ANK3: variants seen among roughly 807,000 people sequenced by gnomAD.
ANK3 encodes ankyrin-3.
Under a neutral mutation model 370.9 loss-of-function variants are expected in ANK3, and 57 were observed. That is an observed-to-expected ratio of 0.15 (90% CI 0.12 to 0.19). The LOEUF (loss-of-function observed/expected upper bound fraction) is 0.19. Among genes scored for constraint, ANK3 ranks in the 10% least tolerant of loss-of-function variants. The pLI, the probability that ANK3 is intolerant of heterozygous loss-of-function variation, is 1.00. For missense variants in ANK3, 4,439 were observed against 5,302.1 expected, an observed-to-expected ratio of 0.84 and a Z score of 5.06; for synonymous variants, 1,929 against 1,946.3, an observed-to-expected ratio of 0.99 and a Z score of 0.23.
chr10:60,083,427 T>C, intron 33 of ANK3, 65 bp downstream of exon 33: 1 of 1,508,358 alleles, frequency 6.6e-7, no homozygotes, highest in Non-Finnish European at 9.0e-7. Context: ...TAAAACCTTT[T>C]ATTTTTATTC....
At chr10:60,353,158 GTT>G (rs1198062363) in intron 1 of ANK3, among the ~76,000 whole-genome samples, 13 of 126,048 alleles carry the variant, frequency 1.0e-4, no homozygotes, top group Admixed American at 2.4e-4. Flanking sequence ...TTTTTGTTTT[GTT>G]TTTTTTTTTT....
intron 2 of ANK3, among the ~76,000 whole-genome samples, chr10:60,600,181 T>C (rs895887316): frequency 6.6e-6 from 1 of 152,190 alleles, no homozygotes; most frequent in Admixed American, 6.6e-5. Context: ...TGCTAGGAGA[T>C]AGTGAAGAAT....
chr10:60,104,067 G>A, intron 28 of ANK3, among the ~76,000 whole-genome samples: 1 of 152,038 alleles, frequency 6.6e-6, no homozygotes, highest in South Asian at 2.1e-4. Flanking sequence ...ACAGACACTG[G>A]GGCCTACTTG....
chr10:60,073,069 A>T lies in ANK3; in HGVS notation c.7812T>A (p.Asp2604Glu). The part of the protein sequence containing the change: ...FFRDKTEKLN[D>E]ELQSPEKKAR... Reference sequence around the variant, plus strand: ...CCTTTTTCTCTGGGGACTGCAGTTCATCATTTAGCTTTTCAGTTTTGTCAC... The same window carrying T: ...CCTTTTTCTCTGGGGACTGCAGTTCTTCATTTAGCTTTTCAGTTTTGTCAC... Residue 2604 changes from aspartate (D) to glutamate (E), a missense_variant, in exon 37 of 44, where the codon GAT (aspartate) becomes GAA (glutamate). Asp to Glu is a conservative substitution (Grantham distance 45). Transcript: ENST00000280772. 6.2e-7 allele frequency: 1 copy of T among 1,614,124 alleles called. No individual in the cohort carries two copies. The highest frequency in any genetic ancestry group is 8.5e-7 in the Non-Finnish European group (1 of 1,180,014).
intron 40 of ANK3, chr10:60,059,984 T>C (rs143038476): frequency 7.4e-5 from 118 of 1,596,870 alleles, no homozygotes; most frequent in Non-Finnish European, 9.5e-5. Flanking sequence ...GGGTTTCCAG[T>C]TCCACTTGAA....
In ANK3 at chr10:60,521,075, A is replaced by G. The variant is rs962716465; in HGVS notation, c.96+94111T>C. ...TAGTTAGAGTTGTCAAGTGTTATCT[A>G]TTTTGTCACAACATAAATAAATCAT... is the stretch of plus-strand genomic sequence containing the variant. On this transcript the variant is annotated intron_variant, in intron 2 of 43. Coordinates refer to the ANK3 transcript ENST00000373827. Among the ~76,000 whole-genome samples, 4 of 152,130 alleles carry G rather than the reference A, an allele frequency of 2.6e-5. No individual in the cohort carries two copies. The South Asian group carries it at 6.2e-4, about 24-fold the overall frequency.
At chr10:60,322,268 T>C (rs771663178) in intron 1 of ANK3, among the ~76,000 whole-genome samples, 1 of 152,180 alleles carries the variant, frequency 6.6e-6, no homozygotes, top group Non-Finnish European at 1.5e-5. Context: ...CTTTAGTACT[T>C]CTGAAAAAGT....
At position 60,193,609 on chromosome 10, in the gene ANK3, C is replaced by T. The variant is rs930543724; in HGVS notation, c.1887+2536G>A. ...GGCGGAGGTTGCAGTGAGCCAAGAT[C>T]GTGCCACTACACTCCAGTCTGGGTG... On this transcript the variant is annotated intron_variant, in intron 16 of 43. Coordinates refer to ENST00000280772, the MANE Select transcript of ANK3 (RefSeq NM_020987.5). Among the ~76,000 whole-genome samples the T allele has an allele frequency of 3.3e-5, 5 of 149,772 alleles. No individual in the cohort carries two copies. In the South Asian group the frequency reaches 6.4e-4, roughly 19 times the overall value.
intron 2 of ANK3, among the ~76,000 whole-genome samples, chr10:60,483,209 G>A (rs894458768): frequency 2.6e-5 from 4 of 152,074 alleles, no homozygotes; most frequent in Admixed American, 6.6e-5. Context: ...TGAGTCCAAG[G>A]CCCAGGCATT....
chr10:60,692,600 C>G (rs1385960042), intron 1 of ANK3, among the ~76,000 whole-genome samples: 7 of 152,126 alleles, frequency 4.6e-5, no homozygotes, highest in African/African-American at 1.7e-4. Context: ...CTGAATTTTT[C>G]TAGGGTGCGT....
chr10:60,548,352 C>G (rs1170105467), intron 2 of ANK3, among the ~76,000 whole-genome samples: 2 of 151,786 alleles, frequency 1.3e-5, no homozygotes, highest in African/African-American at 2.4e-5. Flanking sequence ...GCTGGGATCA[C>G]AGGCACCCAC....
Position 60,580,110 on chromosome 10 carries a change from AC to A in ANK3, c.96+35075del, listed in dbSNP as rs1243731964. On this transcript the variant is annotated intron_variant, in intron 2 of 43. Coordinates refer to the ANK3 transcript ENST00000373827. Reference sequence around the variant, plus strand: ...AATTTGCATTTCTTTGGCTGGTAGAACACTCTTCATATTTCTTCACATTCTT... The same window carrying A: ...AATTTGCATTTCTTTGGCTGGTAGAAACTCTTCATATTTCTTCACATTCTT... Among the ~76,000 whole-genome samples the A allele has an allele frequency of 2.1e-4, 32 of 152,334 alleles. No individual in the cohort carries two copies. In the Middle Eastern group the frequency reaches 0.014, roughly 65 times the overall value.
intron 1 of ANK3, among the ~76,000 whole-genome samples, chr10:60,312,424 T>A (rs1218962441): frequency 6.6e-6 from 1 of 152,220 alleles, no homozygotes; most frequent in East Asian, 1.9e-4. Flanking sequence ...ATTGATGTGT[T>A]TACTGATGAT....
chr10:60,175,798 A>C (rs938740544), intron 18 of ANK3, among the ~76,000 whole-genome samples: 2 of 152,184 alleles, frequency 1.3e-5, no homozygotes, highest in African/African-American at 4.8e-5. Context: ...GCTACTTACT[A>C]TCTGTGTGAA....
intron 2 of ANK3, among the ~76,000 whole-genome samples, chr10:60,515,328 C>A (rs2076192191): frequency 6.6e-6 from 1 of 152,082 alleles, no homozygotes; most frequent in Non-Finnish European, 1.5e-5. Context: ...CTAGCCCCTG[C>A]ACATTCAGCA....
chr10:60,507,012 C>T (rs2075958114), intron 2 of ANK3, among the ~76,000 whole-genome samples: 2 of 152,076 alleles, frequency 1.3e-5, no homozygotes, highest in African/African-American at 2.4e-5. Flanking sequence ...TTTATTCACA[C>T]ATCCATCCAG....
chr10:60,518,471 G>C (rs2076274974), intron 2 of ANK3, among the ~76,000 whole-genome samples: 1 of 152,006 alleles, frequency 6.6e-6, no homozygotes. Flanking sequence ...GAATCACCTG[G>C]GGTACTTGTT....
At chr10:60,187,011 T>C (rs975542701) in intron 16 of ANK3, 99 bp from the exon 17 acceptor site, 2 of 1,189,534 alleles carry the variant, frequency 1.7e-6, no homozygotes, top group East Asian at 2.3e-5. Flanking sequence ...TGGTTTTCTA[T>C]GATTGCTTAA....
At chr10:60,315,732 G>T in intron 1 of ANK3, among the ~76,000 whole-genome samples, 1 of 151,752 alleles carries the variant, frequency 6.6e-6, no homozygotes, top group Non-Finnish European at 1.5e-5. Flanking sequence ...TATATATACT[G>T]CCACTCTCTC....
Sources: allele counts gnomAD v4.1 joint callset (sites outside exome capture counted in the v4.1 genomes callset), GRCh38; gene constraint gnomAD v4.1.1; transcripts MANE v1.5; gene names NCBI Gene and HGNC (gene_info 2026-07-23, HGNC 2026-07-21).